Variants in RIMS2 observed in about 807,000 individuals in gnomAD.
RIMS2 encodes the protein regulating synaptic membrane exocytosis protein 2.
Under a neutral mutation model 174.4 loss-of-function variants are expected in RIMS2, and 59 were observed. The ratio of observed to expected loss-of-function variants is 0.34; its 90% CI spans 0.27 to 0.42. RIMS2 has a LOEUF of 0.42. Among genes scored for constraint, RIMS2 ranks in the 10% least tolerant of loss-of-function variants. The pLI, the probability that RIMS2 is intolerant of heterozygous loss-of-function variation, is 1.00. For missense variants in RIMS2, 1,620 were observed against 1,666.3 expected (o/e 0.97, Z 0.48); for synonymous variants, 606 against 572.5 (o/e 1.06, Z -0.84).
intron 1 of RIMS2, among the ~76,000 whole-genome samples, chr8:103,580,954 C>CG (rs2093582036): frequency 6.6e-6 from 1 of 151,236 alleles, no homozygotes; most frequent in Middle Eastern, 3.2e-3. Context: ...CTCAGCCTCC[C>CG]GGGTAGCTGG....
At chr8:103,928,425 T>C (rs1011743907) in intron 11 of RIMS2, among the ~76,000 whole-genome samples, 1 of 151,546 alleles carries the variant, frequency 6.6e-6, no homozygotes, top group Non-Finnish European at 1.5e-5. Context: ...AACAAAATTA[T>C]AATCCAAATA....
intron 1 of RIMS2, among the ~76,000 whole-genome samples, chr8:103,552,218 T>C (rs983947314): frequency 2.0e-5 from 3 of 152,134 alleles, no homozygotes; most frequent in African/African-American, 7.2e-5. Context: ...AAGGCTACAG[T>C]AACGAAAACA....
intron 16 of RIMS2, among the ~76,000 whole-genome samples, chr8:103,986,481 A>G (rs1377934403): frequency 2.6e-5 from 4 of 152,224 alleles, no homozygotes; most frequent in African/African-American, 9.6e-5. Flanking sequence ...AATGAGAGGT[A>G]TAAATAAATA....
chr8:103,564,198 G>C (rs1016157204), intron 1 of RIMS2, among the ~76,000 whole-genome samples: 1 of 152,184 alleles, frequency 6.6e-6, no homozygotes, highest in Non-Finnish European at 1.5e-5. Flanking sequence ...CATCCAAAGT[G>C]TGTTTATTTG....
At chr8:104,102,872 A>G (rs974781832) in intron 19 of RIMS2, among the ~76,000 whole-genome samples, 11 of 152,188 alleles carry the variant, frequency 7.2e-5, no homozygotes, top group African/African-American at 2.4e-4. Flanking sequence ...ATTCAAAATG[A>G]GGTTTGGGTG....
Position 104,240,255 on chromosome 8 carries a change from T to G in RIMS2, c.3335-4661T>G, listed in dbSNP as rs527550209. On this transcript the variant is annotated intron_variant, in intron 19 of 23. Transcript: ENST00000504942. ...GCAAAATCCCTTTTACCATGTAAAG[T>G]AACATAATCATGGGTGTCATCTTAG... Among the ~76,000 whole-genome samples the G allele has an allele frequency of 3.3e-5, 5 of 152,322 alleles. No individual in the cohort carries two copies. The East Asian group carries it at 7.7e-4, about 23-fold the overall frequency.
intron 3 of RIMS2, among the ~76,000 whole-genome samples, chr8:103,770,900 T>C (rs1306568178): frequency 6.6e-6 from 1 of 152,208 alleles, no homozygotes; most frequent in African/African-American, 2.4e-5. Context: ...TAATTTGTTT[T>C]TTCAATACCA....
intron 3 of RIMS2, among the ~76,000 whole-genome samples, chr8:103,800,636 T>A (rs375159529): frequency 6.6e-6 from 1 of 152,222 alleles, no homozygotes; most frequent in African/African-American, 2.4e-5. Context: ...ATTACACTGA[T>A]TGTTTTCAAA....
intron 19 of RIMS2, among the ~76,000 whole-genome samples, chr8:104,230,576 G>T (rs2099221390): frequency 6.6e-6 from 1 of 152,098 alleles, no homozygotes; most frequent in African/African-American, 2.4e-5. Flanking sequence ...AACCCTGGAG[G>T]CGGAAGTTGC....
chr8:103,658,894 T>C (rs893612123), intron 1 of RIMS2, among the ~76,000 whole-genome samples: 1 of 152,178 alleles, frequency 6.6e-6, no homozygotes, highest in Non-Finnish European at 1.5e-5. Flanking sequence ...TGTCTACTCA[T>C]GTTAGCTTGC....
intron 19 of RIMS2, among the ~76,000 whole-genome samples, chr8:104,128,638 G>A (rs1184040048): frequency 2.0e-5 from 3 of 151,956 alleles, no homozygotes; most frequent in East Asian, 1.9e-4. Flanking sequence ...CGGAGGTTGC[G>A]GTGAGCCAAG....
chr8:103,747,237 C>G (rs2097832065), intron 2 of RIMS2, among the ~76,000 whole-genome samples: 1 of 113,048 alleles, frequency 8.8e-6, no homozygotes, highest in Non-Finnish European at 1.8e-5. Context: ...TGCTATCCCT[C>G]CCCCCTCCCC....
chr8:103,644,154 G>A (rs1564136791), intron 1 of RIMS2, among the ~76,000 whole-genome samples: 1 of 151,748 alleles, frequency 6.6e-6, no homozygotes. Flanking sequence ...ACTAAGATTT[G>A]GAATTTGAAA....
chr8:104,171,674 A>G (rs2098833296), intron 19 of RIMS2, among the ~76,000 whole-genome samples: 1 of 152,080 alleles, frequency 6.6e-6, no homozygotes, highest in African/African-American at 2.4e-5. Flanking sequence ...GATCCATTAC[A>G]GGGGAGCGAG....
intron 3 of RIMS2, among the ~76,000 whole-genome samples, chr8:103,838,732 C>T (rs973223653): frequency 3.3e-5 from 5 of 152,074 alleles, no homozygotes; most frequent in South Asian, 2.1e-4. Context: ...GTATATTCTA[C>T]GCTTCTATTA....
At chr8:104,119,455 A>G (rs2098337783) in intron 19 of RIMS2, among the ~76,000 whole-genome samples, 1 of 152,126 alleles carries the variant, frequency 6.6e-6, no homozygotes, top group African/African-American at 2.4e-5. Context: ...GTTAAGGAAA[A>G]ATGCTTAGCA....
At chr8:103,761,014 T>C (rs1463510420) in intron 2 of RIMS2, among the ~76,000 whole-genome samples, 1 of 152,222 alleles carries the variant, frequency 6.6e-6, no homozygotes, top group Non-Finnish European at 1.5e-5. Context: ...AATATTATTC[T>C]TTTAGTAGAA....
chr8:104,021,504 A>T (rs2096087611), intron 19 of RIMS2, among the ~76,000 whole-genome samples: 1 of 152,208 alleles, frequency 6.6e-6, no homozygotes, highest in African/African-American at 2.4e-5. Flanking sequence ...ATCTTCCTAA[A>T]TATTCAACAA....
At chr8:104,145,838 G>T (rs568286412) in intron 19 of RIMS2, among the ~76,000 whole-genome samples, 2 of 151,676 alleles carry the variant, frequency 1.3e-5, no homozygotes, top group Non-Finnish European at 2.9e-5. Flanking sequence ...TCCAGCCTGG[G>T]CAACAAGAGC....
Sources: gnomAD v4.1 joint callset for allele counts (sites outside exome capture counted in the v4.1 genomes callset) on GRCh38, gnomAD v4.1.1 for gene constraint, MANE v1.5 for transcripts, NCBI Gene and HGNC (gene_info 2026-07-23, HGNC 2026-07-21) for gene names.